ZCCHC17: variants seen among roughly 807,000 people sequenced by gnomAD.
The protein encoded by ZCCHC17 is zinc finger CCHC-type containing 17.
In ZCCHC17, 18 loss-of-function variants were observed where a neutral mutation model predicts 30.6. The observed-to-expected ratio is 0.59, with a 90% CI of 0.41 to 0.87. The LOEUF is 0.87. Among genes scored for constraint, ZCCHC17 ranks in the 40% least tolerant of loss-of-function variants. ZCCHC17 has a pLI of 0.00. For synonymous variants in ZCCHC17, 88 were observed against 92.4 expected, an observed-to-expected ratio of 0.95 and a Z score of 0.27; for missense variants, 263 against 284.2, an observed-to-expected ratio of 0.93 and a Z score of 0.54.
At chr1:31,321,490 T>C (rs1646859827) in intron 3 of ZCCHC17, among the ~76,000 whole-genome samples, 1 of 152,250 alleles carries the variant, frequency 6.6e-6, no homozygotes, top group African/African-American at 2.4e-5. Flanking sequence ...CTTTTCTTTT[T>C]TTGAGACAGA....
chr1:31,315,067 T>C (rs1646699018), intron 2 of ZCCHC17, among the ~76,000 whole-genome samples: 1 of 152,224 alleles, frequency 6.6e-6, no homozygotes, highest in South Asian at 2.1e-4. Context: ...GCATTTATCC[T>C]GGTCTGTCTT....
chr1:31,358,140 G>A (rs1265078665), intron 7 of ZCCHC17, among the ~76,000 whole-genome samples: 1 of 152,238 alleles, frequency 6.6e-6, no homozygotes, highest in African/African-American at 2.4e-5. Flanking sequence ...TGGAGAGAGA[G>A]CATTTCAGCA....
intron 1 of ZCCHC17, among the ~76,000 whole-genome samples, chr1:31,305,854 A>T (rs532297693): frequency 1.3e-5 from 2 of 152,346 alleles, no homozygotes; most frequent in South Asian, 2.1e-4. Flanking sequence ...TTCCATATTT[A>T]AAAAATGACA....
chr1:31,360,233 G>C (rs1380276932), intron 7 of ZCCHC17, among the ~76,000 whole-genome samples: 2 of 146,828 alleles, frequency 1.4e-5, no homozygotes, highest in South Asian at 2.2e-4. Flanking sequence ...GCAGTGGCGC[G>C]ATCTTGGCTC....
intron 1 of ZCCHC17, among the ~76,000 whole-genome samples, chr1:31,302,028 G>A (rs941010626): frequency 6.6e-6 from 1 of 152,126 alleles, no homozygotes; most frequent in Non-Finnish European, 1.5e-5. Flanking sequence ...AGGAGTTTGA[G>A]ACCAACCTGG....
intron 3 of ZCCHC17, among the ~76,000 whole-genome samples, chr1:31,331,254 C>T (rs1425747480): frequency 2.0e-5 from 3 of 151,980 alleles, no homozygotes; most frequent in African/African-American, 4.8e-5. Flanking sequence ...GATTCCTGTG[C>T]CTCAGCCTCC....
chr1:31,353,051 G>A (rs1639523869), intron 7 of ZCCHC17, among the ~76,000 whole-genome samples: 1 of 152,162 alleles, frequency 6.6e-6, no homozygotes, highest in Admixed American at 6.6e-5. Flanking sequence ...GTGTTTTTTG[G>A]AGAGTAGCCA....
At chr1:31,353,234 TTGTTGATATG>T (rs1639531617) in intron 7 of ZCCHC17, among the ~76,000 whole-genome samples, 1 of 152,256 alleles carries the variant, frequency 6.6e-6, no homozygotes, top group Admixed American at 6.5e-5. Flanking sequence ...TTTGTTGTTG[TTGTTGATATG>T]TAGGAATTTT....
intron 1 of ZCCHC17, among the ~76,000 whole-genome samples, chr1:31,306,702 G>T (rs1036975056): frequency 6.6e-6 from 1 of 151,956 alleles, no homozygotes; most frequent in Non-Finnish European, 1.5e-5. Flanking sequence ...AGGTCTCACT[G>T]TGTCGCCCAG....
At chr1:31,361,047 G>A (rs1639869958) in intron 7 of ZCCHC17, among the ~76,000 whole-genome samples, 1 of 152,126 alleles carries the variant, frequency 6.6e-6, no homozygotes, top group African/African-American at 2.4e-5. Flanking sequence ...ACCTATATAA[G>A]GGGCAGAACC....
At chr1:31,340,479 G>A (rs529083981) in intron 5 of ZCCHC17, among the ~76,000 whole-genome samples, 5 of 152,110 alleles carry the variant, frequency 3.3e-5, no homozygotes, top group East Asian at 1.9e-4. Flanking sequence ...CACCATGCCC[G>A]GCTAATTTTG....
chr1:31,314,380 T>G (rs1646680408), intron 2 of ZCCHC17, among the ~76,000 whole-genome samples: 1 of 151,552 alleles, frequency 6.6e-6, no homozygotes, highest in Non-Finnish European at 1.5e-5. Context: ...TTCAGAATAT[T>G]CATCCAATAA....
intron 7 of ZCCHC17, among the ~76,000 whole-genome samples, chr1:31,352,060 GC>G (rs1639488224): frequency 1.3e-5 from 2 of 152,136 alleles, no homozygotes; most frequent in Admixed American, 6.6e-5. Context: ...AATTTTCCTA[GC>G]CAAAGCTGTT....
chr1:31,347,617 C>G (rs1224340636), intron 6 of ZCCHC17, among the ~76,000 whole-genome samples: 2 of 152,118 alleles, frequency 1.3e-5, no homozygotes, highest in Non-Finnish European at 2.9e-5. Flanking sequence ...GAGTACTTTA[C>G]AGATAGCTTT....
At chr1:31,324,695 C>T (rs1473089025) in intron 3 of ZCCHC17, among the ~76,000 whole-genome samples, 1 of 152,246 alleles carries the variant, frequency 6.6e-6, no homozygotes, top group Non-Finnish European at 1.5e-5. Context: ...ATCTTGGCCC[C>T]CTCTGGACTT....
intron 1 of ZCCHC17, among the ~76,000 whole-genome samples, chr1:31,300,734 G>T (rs531484439): frequency 6.6e-6 from 1 of 151,878 alleles, no homozygotes; most frequent in African/African-American, 2.4e-5. Flanking sequence ...TCAGGAGTTC[G>T]AGACCATCCT....
intron 1 of ZCCHC17, among the ~76,000 whole-genome samples, chr1:31,303,858 CA>C: frequency 6.6e-6 from 1 of 152,324 alleles, no homozygotes; most frequent in South Asian, 2.1e-4. Context: ...CCTCAGGCCC[CA>C]CCTCTTGATG....
intron 1 of ZCCHC17, among the ~76,000 whole-genome samples, chr1:31,303,252 G>A (rs1401536133): frequency 3.9e-5 from 6 of 152,138 alleles, no homozygotes; most frequent in East Asian, 1.9e-4. Flanking sequence ...ATTGCACTCC[G>A]GCCTGGACAA....
intron 3 of ZCCHC17, among the ~76,000 whole-genome samples, chr1:31,321,437 G>A (rs1409466310): frequency 2.0e-5 from 3 of 152,162 alleles, no homozygotes; most frequent in South Asian, 2.1e-4. Context: ...ACCCAGTCTC[G>A]TATGTCTTTA....
Sources: allele counts gnomAD v4.1 joint callset (sites outside exome capture counted in the v4.1 genomes callset), GRCh38; gene constraint gnomAD v4.1.1; transcripts MANE v1.5; gene names NCBI Gene and HGNC (gene_info 2026-07-23, HGNC 2026-07-21).